PPP2R2B: variants seen among roughly 807,000 people sequenced by gnomAD.
The protein encoded by PPP2R2B is serine/threonine-protein phosphatase 2A 55 kDa regulatory subunit B beta isoform.
A neutral mutation model predicts 46.0 loss-of-function variants in PPP2R2B; 5 were observed. The ratio of observed to expected loss-of-function variants is 0.11; its 90% confidence interval spans 0.06 to 0.23. The LOEUF is 0.23. Ranked by LOEUF, PPP2R2B falls within the 10% of genes least tolerant of loss-of-function variation. The pLI, the probability that PPP2R2B is intolerant of heterozygous loss-of-function variation, is 1.00. For missense variants in PPP2R2B, 367 were observed against 575.0 expected, an observed-to-expected ratio of 0.64 and a Z score of 3.70; for synonymous variants, 215 against 206.7, an observed-to-expected ratio of 1.04 and a Z score of -0.34.
At chr5:147,009,238 G>C (rs1263938161) in intron 1 of PPP2R2B, among the ~76,000 whole-genome samples, 4 of 152,082 alleles carry the variant, frequency 2.6e-5, no homozygotes, top group Non-Finnish European at 5.9e-5. Flanking sequence ...AAAAAGCTTG[G>C]AGTGAACATT....
In PPP2R2B at chr5:146,831,606, C is replaced by G. The variant is rs1301570068; in HGVS notation, c.70+46396G>C. Among the ~76,000 whole-genome samples, 3 of 151,258 alleles carry G rather than the reference C, an allele frequency of 2.0e-5. No homozygotes were observed. The East Asian group carries it at 5.8e-4, about 29-fold the overall frequency. On this transcript the variant is annotated intron_variant, in intron 2 of 9. Coordinates refer to ENST00000394411, the MANE Select transcript of PPP2R2B (RefSeq NM_181675.4). ...ACCTGCACATCCTGCACATGTACCT[C>G]GGAACTTAAAATAAAAAATTTAAAA...
intron 7 of PPP2R2B, among the ~76,000 whole-genome samples, chr5:146,632,822 CCT>C (rs1408623301): frequency 6.6e-6 from 1 of 152,002 alleles, no homozygotes; most frequent in Non-Finnish European, 1.5e-5. Context: ...GTGCAAAGGC[CCT>C]GAGGTGGGAA....
chr5:147,062,993 AGGG>A (rs1561607835), intron 2 of PPP2R2B, among the ~76,000 whole-genome samples: 1,035 of 71,438 alleles, frequency 0.014, 101 homozygotes, highest in African/African-American at 0.051. Flanking sequence ...GGAGGGAGGG[AGGG>A]AGGGGGGAAG....
At chr5:146,875,646 A>C (rs1464908168) in intron 2 of PPP2R2B, among the ~76,000 whole-genome samples, 2 of 152,242 alleles carry the variant, frequency 1.3e-5, no homozygotes, top group African/African-American at 4.8e-5. Flanking sequence ...AAAAAAGAAC[A>C]ATCTGACATA....
chr5:146,643,011 T>C (rs929454948), intron 6 of PPP2R2B, among the ~76,000 whole-genome samples: 4 of 152,160 alleles, frequency 2.6e-5, no homozygotes, highest in African/African-American at 9.7e-5. Flanking sequence ...GAGTGGTAAT[T>C]GTGCCACTGC....
chr5:146,993,033 C>A (rs1053915437), intron 1 of PPP2R2B, among the ~76,000 whole-genome samples: 1 of 152,038 alleles, frequency 6.6e-6, no homozygotes. Context: ...GCCTCCGCCT[C>A]CCAGGTTCAA....
At position 147,040,327 on chromosome 5, in the gene PPP2R2B, C is replaced by A. The variant is rs1212756831; in HGVS notation, c.79+15338G>T. On this transcript the variant is annotated intron_variant, in intron 1 of 8. Transcript: ENST00000336640. ...ATGAGAGCTTTGGCCACTGCCTCAC[C>A]TATAGGATCACTTCCATTTATCATC... 5.3e-5 allele frequency among the ~76,000 whole-genome samples: 8 copies of A among 152,068 alleles called. No homozygotes were observed. In the East Asian group the frequency reaches 1.3e-3, roughly 26 times the overall value.
intron 4 of PPP2R2B, among the ~76,000 whole-genome samples, chr5:146,696,851 T>C (rs989716590): frequency 6.6e-5 from 10 of 152,222 alleles, no homozygotes; most frequent in African/African-American, 2.2e-4. Context: ...ATGCATTAAA[T>C]AACTTTCCGC....
chr5:146,604,921 C>A (rs1324491228), intron 7 of PPP2R2B, among the ~76,000 whole-genome samples: 5 of 152,150 alleles, frequency 3.3e-5, no homozygotes, highest in Non-Finnish European at 7.3e-5. Context: ...TCTAGATATA[C>A]CTTGTATAGT....
At chr5:146,957,870 A>G (rs536114728) in intron 1 of PPP2R2B, among the ~76,000 whole-genome samples, 3 of 152,314 alleles carry the variant, frequency 2.0e-5, no homozygotes, top group East Asian at 1.9e-4. Flanking sequence ...AGTCTCACGT[A>G]TATCACTTCA....
At chr5:146,698,544 A>C (rs1561841777) in intron 3 of PPP2R2B, among the ~76,000 whole-genome samples, 1 of 151,816 alleles carries the variant, frequency 6.6e-6, no homozygotes, top group African/African-American at 2.4e-5. Context: ...ATTCGTAAAT[A>C]CTTACATCGA....
intron 1 of PPP2R2B, among the ~76,000 whole-genome samples, chr5:146,934,083 C>G (rs964054163): frequency 1.1e-4 from 16 of 151,954 alleles, no homozygotes; most frequent in African/African-American, 3.6e-4. Context: ...GTCTATCATT[C>G]TTGGACATTT....
At chr5:146,854,268 A>G (rs756376241) in intron 2 of PPP2R2B, among the ~76,000 whole-genome samples, 1 of 152,138 alleles carries the variant, frequency 6.6e-6, no homozygotes. Context: ...TCATAATCTC[A>G]TGTCAGAAAT....
chr5:146,638,502 T>G (rs1443283851), intron 6 of PPP2R2B, 87 bp from the exon 7 acceptor site: 6 of 1,234,532 alleles, frequency 4.9e-6, no homozygotes, highest in Non-Finnish European at 5.6e-6. Context: ...CATCTTATAT[T>G]AGTAAAATAT....
chr5:146,811,557 ATTTT>A (rs1178978309), intron 2 of PPP2R2B, among the ~76,000 whole-genome samples: 1 of 95,738 alleles, frequency 1.0e-5, no homozygotes. Flanking sequence ...TCAACTATGT[ATTTT>A]TTTTTTTTTT....
chr5:146,694,626 T>C (rs770255722), intron 4 of PPP2R2B, among the ~76,000 whole-genome samples: 2 of 152,184 alleles, frequency 1.3e-5, no homozygotes, highest in Non-Finnish European at 2.9e-5. Flanking sequence ...TCTATGTACT[T>C]TGGGGGGAGA....
At chr5:147,037,841 T>A (rs1464471861) in intron 1 of PPP2R2B, among the ~76,000 whole-genome samples, 3 of 152,186 alleles carry the variant, frequency 2.0e-5, no homozygotes, top group African/African-American at 7.2e-5. Flanking sequence ...TTAGAGTGAT[T>A]AACTACAAGA....
chr5:146,649,750 G>A (rs1042177768), intron 6 of PPP2R2B, among the ~76,000 whole-genome samples: 10 of 152,038 alleles, frequency 6.6e-5, no homozygotes, highest in African/African-American at 1.9e-4. Context: ...GCGGCCAGCC[G>A]ACTTTTCTAT....
chr5:146,875,991 T>A (rs1761877329), intron 2 of PPP2R2B, among the ~76,000 whole-genome samples: 1 of 152,220 alleles, frequency 6.6e-6, no homozygotes, highest in Non-Finnish European at 1.5e-5. Context: ...TTACATCGTT[T>A]AAGTTCTATT....
Sources: gnomAD v4.1 joint callset for allele counts (sites outside exome capture counted in the v4.1 genomes callset) on GRCh38, gnomAD v4.1.1 for gene constraint, MANE v1.5 for transcripts, NCBI Gene and HGNC (gene_info 2026-07-23, HGNC 2026-07-21) for gene names.